The following INIP variants were observed in gnomAD, a reference collection of about 807,000 sequenced individuals.
INIP encodes SOSS complex subunit C.
In INIP, 9 loss-of-function variants were observed where a neutral mutation model predicts 14.0. The observed-to-expected ratio is 0.64, with a 90% CI of 0.39 to 1.12. The LOEUF is 1.12. INIP is among the 50% of genes most tolerant of loss of function. INIP has a pLI of 0.01. For synonymous variants in INIP, 37 were observed against 41.5 expected, an observed-to-expected ratio of 0.89 and a Z score of 0.41; for missense variants, 78 against 122.7, an observed-to-expected ratio of 0.64 and a Z score of 1.72.
chr9:112,708,164 A>G (rs972850918), intron 2 of INIP, among the ~76,000 whole-genome samples: 2 of 152,244 alleles, frequency 1.3e-5, no homozygotes, highest in African/African-American at 4.8e-5. Context: ...GAGCATTTAT[A>G]ACAATCATTA....
At chr9:112,689,410 A>G (rs1837797326) in intron 4 of INIP, 117 bp downstream of exon 4, 2 of 788,370 alleles carry the variant, frequency 2.5e-6, no homozygotes, top group South Asian at 1.6e-5. Flanking sequence ...AACCATTGCA[A>G]TTATGTGTGG....
rs988714166 is a variant in INIP at position 112,715,840 on chromosome 9, A to AT, written c.25+620dup. 1.2e-4 allele frequency among the ~76,000 whole-genome samples: 18 copies of AT among 151,630 alleles called. No homozygotes were observed. In the South Asian group the frequency reaches 2.1e-3, roughly 18 times the overall value. On this transcript the variant is annotated intron_variant, in intron 2 of 4. Coordinates refer to ENST00000374242, the MANE Select transcript of INIP (RefSeq NM_021218.3). The stretch of plus-strand genomic sequence containing the variant: ...AAGTTTTCTATTTTTAAAATTTTTA[A>AT]TTTTTTTTACTTTTTAAACTTCTTG...
At chr9:112,699,263 G>C (rs946635313) in intron 2 of INIP, among the ~76,000 whole-genome samples, 4 of 151,868 alleles carry the variant, frequency 2.6e-5, no homozygotes, top group Admixed American at 1.3e-4. Flanking sequence ...AATGAGCTAT[G>C]ATGGGCCACT....
At chr9:112,707,228 T>C (rs1588085507) in intron 2 of INIP, among the ~76,000 whole-genome samples, 1 of 149,834 alleles carries the variant, frequency 6.7e-6, no homozygotes, top group African/African-American at 2.4e-5. Flanking sequence ...CATGAGCCAC[T>C]GTGCCCGGCC....
In INIP at chr9:112,687,578, T is replaced by C; in HGVS notation, c.275A>G (p.Asn92Ser). ...YFITQDSAFGNLILPVLPRLD... is the reference protein window; with the variant it reads ...YFITQDSAFGSLILPVLPRLD... The stretch of plus-strand genomic sequence containing the variant: ...GCGAGGTAAAACAGGAAGAATAAGG[T>C]TCCCAAATGCAGAGTCTTGAGTGAT... The change falls in exon 5 of 5, where the codon AAC (asparagine) becomes AGC (serine). Residue 92 changes from asparagine to serine, a missense_variant. Transcript: ENST00000374242. 1 of 1,611,042 alleles carries C rather than the reference T, an allele frequency of 6.2e-7. No homozygotes were observed. Among genetic ancestry groups the C allele is most frequent in the Non-Finnish European group, 8.5e-7 (1 of 1,177,594 alleles).
At chr9:112,694,923 G>T (rs1838021756) in intron 2 of INIP, among the ~76,000 whole-genome samples, 1 of 152,146 alleles carries the variant, frequency 6.6e-6, no homozygotes, top group Non-Finnish European at 1.5e-5. Context: ...ATAGGGTAGA[G>T]GTTGCCAAGT....
rs78376095 is a variant in INIP, at chr9:112,697,919, C to G, written c.26-3686G>C. 5.4e-3 allele frequency among the ~76,000 whole-genome samples: 815 copies of G among 152,256 alleles called. 5 individuals carry two copies. Among genetic ancestry groups the G allele is most frequent in the Non-Finnish European group, 8.5e-3 (580 of 68,002 alleles). The stretch of plus-strand genomic sequence containing the variant: ...ATCAGAGTTATGAAAACATCATTAC[C>G]TATGGAAATCCTTCCATAAACAGTT... On this transcript the variant is annotated intron_variant, in intron 2 of 4. Transcript: ENST00000374242.
chr9:112,716,121 G>A (rs996413093), intron 2 of INIP, among the ~76,000 whole-genome samples: 10 of 152,072 alleles, frequency 6.6e-5, no homozygotes, highest in Non-Finnish European at 2.9e-5. Flanking sequence ...CGCCCAGGCT[G>A]CAGTGCAGTG....
rs1837648026 is a variant in INIP, at chr9:112,685,909, TC to T, written c.*1628del. 6.6e-6 allele frequency: 1 copy of T among 152,106 alleles called. No individual in the cohort carries two copies. The highest frequency in any genetic ancestry group is 2.4e-5 in the African/African-American group (1 of 41,418). The allele number at this position is 152,106 out of a possible 1,614,324, so 9.4% of individuals were successfully genotyped here. A position where few individuals can be genotyped will look rare whatever the true frequency, so the allele number is the denominator to read the frequency against. ...CAAAATGAAGGAAATCAGTTCAAAT[TC>T]TAAAAAAAACCTACATGGCACAGCC... On this transcript the variant is annotated 3_prime_UTR_variant, in exon 5 of 5. Transcript: ENST00000374242.
intron 3 of INIP, among the ~76,000 whole-genome samples, chr9:112,691,731 C>T (rs182972946): frequency 6.6e-5 from 10 of 152,264 alleles, no homozygotes; most frequent in Admixed American, 2.0e-4. Context: ...GAGAGTGGGC[C>T]GGGTGCAGCG....
intron 2 of INIP, among the ~76,000 whole-genome samples, chr9:112,705,734 T>C (rs928277046): frequency 7.9e-5 from 12 of 152,128 alleles, no homozygotes; most frequent in African/African-American, 2.9e-4. Context: ...TCTTCAGACA[T>C]TAAAGAATGA....
At position 112,689,597 on chromosome 9, in the gene INIP, G is replaced by C. The variant is rs762884925; in HGVS notation, c.149C>G (p.Ser50Cys). 2 of 1,614,142 alleles carry C rather than the reference G, an allele frequency of 1.2e-6. No individual in the cohort carries two copies. The highest frequency in any genetic ancestry group is 1.7e-5 in the Admixed American group (1 of 60,024). Residue 50 changes from serine to cysteine, a missense_variant, in exon 4 of 5, where the codon TCT becomes TGT. Ser to Cys is a moderately radical substitution (Grantham distance 112). Transcript: ENST00000374242. ...PGASIALSRP[S>C]LNKDFRDHAE... ...GTGATCCCGGAAGTCCTTATTAAGA[G>C]AGGGTCTCGAGAGTGCAATGCTAAA... is the stretch of plus-strand genomic sequence containing the variant.
At chr9:112,712,608 G>A (rs914312746) in intron 2 of INIP, among the ~76,000 whole-genome samples, 1 of 152,086 alleles carries the variant, frequency 6.6e-6, no homozygotes, top group African/African-American at 2.4e-5. Context: ...AAATAAAAGG[G>A]GTATTTTAGC....
chr9:112,704,561 G>A (rs1838399235), intron 2 of INIP, among the ~76,000 whole-genome samples: 1 of 152,114 alleles, frequency 6.6e-6, no homozygotes, highest in Non-Finnish European at 1.5e-5. Flanking sequence ...TTATAGAGGG[G>A]AACTAATGCA....
chr9:112,697,164 C>T (rs1386791223), intron 2 of INIP, among the ~76,000 whole-genome samples: 1 of 152,078 alleles, frequency 6.6e-6, no homozygotes, highest in African/African-American at 2.4e-5. Context: ...CTCCCATCAC[C>T]CAGGAAATCA....
chr9:112,706,015 A>G (rs972455300), intron 2 of INIP, among the ~76,000 whole-genome samples: 1 of 152,164 alleles, frequency 6.6e-6, no homozygotes, highest in African/African-American at 2.4e-5. Flanking sequence ...GGTAGAAGAG[A>G]CCTGCCGCAG....
In INIP at chr9:112,704,629, A is replaced by G. The variant is rs552346758; in HGVS notation, c.26-10396T>C. Among the ~76,000 whole-genome samples, 106 of 151,658 alleles carry G rather than the reference A, an allele frequency of 7.0e-4. 1 individual carries two copies. The highest frequency in any genetic ancestry group is 2.5e-3 in the African/African-American group (102 of 41,300). Reference sequence around the variant, plus strand: ...TTGGGTAAGCTTTAGGCATAACCAAACCTTGTGTTTTAATTAAGAATCAAA... The same window carrying G: ...TTGGGTAAGCTTTAGGCATAACCAAGCCTTGTGTTTTAATTAAGAATCAAA... On this transcript the variant is annotated intron_variant, in intron 2 of 4. Coordinates refer to ENST00000374242, the MANE Select transcript of INIP (RefSeq NM_021218.3).
intron 3 of INIP, among the ~76,000 whole-genome samples, chr9:112,692,342 A>AGG (rs1353073877): frequency 6.6e-6 from 1 of 152,300 alleles, no homozygotes; most frequent in African/African-American, 2.4e-5. Flanking sequence ...GCTGGATTGC[A>AGG]GTGGTGCAAT....
chr9:112,696,699 A>G (rs1838109690), intron 2 of INIP, among the ~76,000 whole-genome samples: 3 of 152,228 alleles, frequency 2.0e-5, no homozygotes, highest in Admixed American at 1.3e-4. Flanking sequence ...GGGGGCCCCC[A>G]TGACTCACTC....
Sources: gnomAD v4.1 joint callset for allele counts (sites outside exome capture counted in the v4.1 genomes callset) on GRCh38, gnomAD v4.1.1 for gene constraint, MANE v1.5 for transcripts, NCBI Gene and HGNC (gene_info 2026-07-23, HGNC 2026-07-21) for gene names.